PLXDC2: variants seen among roughly 807,000 people sequenced by gnomAD.
The protein encoded by PLXDC2 is plexin domain-containing protein 2.
PLXDC2 carries 40 observed loss-of-function variants against 68.9 expected under a neutral mutation model. The ratio of observed to expected loss-of-function variants is 0.58; its 90% confidence interval spans 0.45 to 0.76. The LOEUF (loss-of-function observed/expected upper bound fraction) is 0.76, where lower values mean the gene tolerates loss of function less well. Among genes scored for constraint, PLXDC2 ranks in the 30% least tolerant of loss-of-function variants. PLXDC2 has a pLI of 0.00. For synonymous variants in PLXDC2, 243 were observed against 234.2 expected (o/e 1.04, Z -0.34); for missense variants, 644 against 661.9 (o/e 0.97, Z 0.30).
At chr10:19,853,572 C>T (rs1202301188) in intron 1 of PLXDC2, among the ~76,000 whole-genome samples, 1 of 150,420 alleles carries the variant, frequency 6.6e-6, no homozygotes, top group Admixed American at 6.8e-5. Flanking sequence ...TATTCCTCTT[C>T]TCTTTCCCCT....
intron 4 of PLXDC2, among the ~76,000 whole-genome samples, chr10:20,098,748 C>T (rs1393740233): frequency 6.6e-6 from 1 of 152,158 alleles, no homozygotes; most frequent in Non-Finnish European, 1.5e-5. Flanking sequence ...TATCTCTACA[C>T]TCCGTGCAGC....
At chr10:19,853,653 G>A (rs1288896229) in intron 1 of PLXDC2, among the ~76,000 whole-genome samples, 2 of 20,488 alleles carry the variant, frequency 9.8e-5, no homozygotes, top group East Asian at 3.4e-3. Flanking sequence ...TGCTTTGGGT[G>A]GGGGGGGGGT....
chr10:20,103,573 T>C (rs1401971470), intron 4 of PLXDC2, among the ~76,000 whole-genome samples: 4 of 122,188 alleles, frequency 3.3e-5, no homozygotes, highest in Admixed American at 8.3e-5. Flanking sequence ...AGATGTGGGG[T>C]TAAAGGCGGT....
intron 6 of PLXDC2, among the ~76,000 whole-genome samples, chr10:20,151,765 A>C (rs1166004554): frequency 6.6e-6 from 1 of 152,140 alleles, no homozygotes; most frequent in Non-Finnish European, 1.5e-5. Context: ...TATAATTACA[A>C]GGAGTAAAAT....
intron 6 of PLXDC2, among the ~76,000 whole-genome samples, chr10:20,163,357 A>G (rs1834331901): frequency 6.6e-6 from 1 of 152,182 alleles, no homozygotes; most frequent in Non-Finnish European, 1.5e-5. Context: ...TCACAGTTTC[A>G]TGATGTCGTG....
At position 20,078,270 on chromosome 10, in the gene PLXDC2, C is replaced by G. The variant is rs187271871; in HGVS notation, c.541+10031C>G. Among the ~76,000 whole-genome samples, 226 of 152,242 alleles carry G rather than the reference C, an allele frequency of 1.5e-3. 1 individual carries two copies. The highest frequency in any genetic ancestry group is 5.2e-3 in the African/African-American group (215 of 41,568). On this transcript the variant is annotated intron_variant, in intron 4 of 13. Coordinates refer to ENST00000377252, the MANE Select transcript of PLXDC2 (RefSeq NM_032812.9). ...TGGTGGTATGCTTCTGTAGTCCCAG[C>G]TTCTCAGGAGGCTGAGGCAGGAGGA...
intron 4 of PLXDC2, among the ~76,000 whole-genome samples, chr10:20,074,286 TA>T (rs1243981077): frequency 6.6e-6 from 1 of 152,170 alleles, no homozygotes; most frequent in Non-Finnish European, 1.5e-5. Flanking sequence ...ATTTGCTACG[TA>T]AAAGATTAAA....
chr10:19,897,303 G>C (rs796791527), intron 1 of PLXDC2, among the ~76,000 whole-genome samples: 3 of 150,910 alleles, frequency 2.0e-5, no homozygotes, highest in Admixed American at 6.6e-5. Context: ...GTAATGGCAC[G>C]ATCTCGGCTC....
intron 4 of PLXDC2, among the ~76,000 whole-genome samples, chr10:20,077,406 C>T (rs1836470381): frequency 1.3e-5 from 2 of 152,112 alleles, no homozygotes; most frequent in African/African-American, 4.8e-5. Context: ...AATATGCTCT[C>T]ATTTAGAGCT....
At position 20,038,398 on chromosome 10, in the gene PLXDC2, A is replaced by G. The variant is rs188603923; in HGVS notation, c.325-8471A>G. Among the ~76,000 whole-genome samples the G allele has an allele frequency of 2.5e-4, 38 of 152,294 alleles. No homozygotes were observed. The East Asian group carries it at 5.2e-3, about 21-fold the overall frequency. On this transcript the variant is annotated intron_variant, in intron 2 of 13. Transcript: ENST00000377252. ...GATATGGGTAAACAACTGTAACAAC[A>G]TGGAAAAGATGTGCATAATGAGAGC...
intron 1 of PLXDC2, among the ~76,000 whole-genome samples, chr10:19,846,999 G>A (rs1837021751): frequency 6.6e-6 from 1 of 152,202 alleles, no homozygotes; most frequent in South Asian, 2.1e-4. Flanking sequence ...CAGATCTTTT[G>A]AGACTTATTC....
intron 1 of PLXDC2, among the ~76,000 whole-genome samples, chr10:19,852,394 C>T (rs1251508456): frequency 7.8e-6 from 1 of 128,238 alleles, no homozygotes; most frequent in African/African-American, 3.1e-5. Flanking sequence ...TCACTGCACT[C>T]CAGTCTGGGT....
chr10:19,912,046 A>T (rs894688506), intron 1 of PLXDC2, among the ~76,000 whole-genome samples: 2 of 151,960 alleles, frequency 1.3e-5, no homozygotes, highest in Non-Finnish European at 2.9e-5. Flanking sequence ...GACTTAGTTT[A>T]TTTTTCTCAA....
intron 4 of PLXDC2, among the ~76,000 whole-genome samples, chr10:20,120,757 T>G (rs1833686394): frequency 1.3e-5 from 2 of 150,736 alleles, no homozygotes; most frequent in East Asian, 2.0e-4. Context: ...CCCTGAGGAG[T>G]AGTAGAATAG....
At chr10:20,081,764 G>T (rs1836562961) in intron 4 of PLXDC2, among the ~76,000 whole-genome samples, 1 of 150,940 alleles carries the variant, frequency 6.6e-6, no homozygotes, top group Non-Finnish European at 1.5e-5. Context: ...AGTCTGGCCG[G>T]GCACAGTGGC....
intron 1 of PLXDC2, among the ~76,000 whole-genome samples, chr10:19,916,351 G>A (rs1407855334): frequency 1.4e-5 from 2 of 144,438 alleles, no homozygotes; most frequent in East Asian, 2.0e-4. Context: ...GTTTCGCCAC[G>A]TTGGCCAAAC....
chr10:20,270,619 A>T lies in PLXDC2; in HGVS notation c.1474-9084A>T, dbSNP rs150632287. On this transcript the variant is annotated intron_variant, in intron 13 of 13. Transcript: ENST00000377252. Reference sequence around the variant, plus strand: ...GAGTGCAATGGCATGGTCTTGGCTCACTGCAATCTCCGCCTGCCAGGTTCA... The same window carrying T: ...GAGTGCAATGGCATGGTCTTGGCTCTCTGCAATCTCCGCCTGCCAGGTTCA... Among the ~76,000 whole-genome samples the T allele has an allele frequency of 4.6e-3, 706 of 151,964 alleles. 8 individuals carry two copies. Among genetic ancestry groups the T allele is most frequent in the African/African-American group, 0.014 (576 of 41,452 alleles).
At chr10:20,168,765 T>A (rs989983718) in intron 7 of PLXDC2, among the ~76,000 whole-genome samples, 1 of 152,190 alleles carries the variant, frequency 6.6e-6, no homozygotes, top group African/African-American at 2.4e-5. Context: ...TTATTATGAT[T>A]AGAAGCATAG....
intron 2 of PLXDC2, among the ~76,000 whole-genome samples, chr10:20,008,070 C>T (rs1259069353): frequency 2.6e-5 from 4 of 152,206 alleles, no homozygotes; most frequent in Non-Finnish European, 5.9e-5. Context: ...TGATCTTCGG[C>T]TATCACACAT....
Sources: gnomAD v4.1 joint callset for allele counts (sites outside exome capture counted in the v4.1 genomes callset) on GRCh38, gnomAD v4.1.1 for gene constraint, MANE v1.5 for transcripts, NCBI Gene and HGNC (gene_info 2026-07-23, HGNC 2026-07-21) for gene names.